Variants in ZNF611 observed in about 807,000 individuals in gnomAD.
The protein encoded by ZNF611 is zinc finger protein 611.
In ZNF611, 6 loss-of-function variants were observed where a neutral mutation model predicts 8.9. The ratio of observed to expected loss-of-function variants is 0.68; its 90% CI spans 0.37 to 1.34. The LOEUF (loss-of-function observed/expected upper bound fraction) is 1.34. ZNF611 is among the 40% of genes most tolerant of loss of function. ZNF611 has a pLI of 0.02. For missense variants in ZNF611, 874 were observed against 841.3 expected (o/e 1.04, Z -0.48); for synonymous variants, 262 against 279.7 (o/e 0.94, Z 0.63).
chr19:52,714,128 A>G lies in ZNF611; in HGVS notation c.77T>C (p.Phe26Ser). The G allele has an allele frequency of 6.2e-7, 1 of 1,613,674 alleles. No homozygotes were observed. The highest frequency in any genetic ancestry group is 8.5e-7 in the Non-Finnish European group (1 of 1,179,934). ...GMALPQGRLTFRDVAIEFSLA... is the reference protein window; with the variant it reads ...GMALPQGRLTSRDVAIEFSLA... ...TGAGAATTCTATAGCCACATCCCGG[A>G]AAGTCAAGCGTCCCTAAAATGAAAC... Residue 26 changes from phenylalanine to serine, a missense_variant, in exon 5 of 6, where the codon TTC becomes TCC. Physicochemically the swap from Phe to Ser is radical, Grantham distance 155. Coordinates refer to ENST00000652185, the MANE Select transcript of ZNF611 (RefSeq NM_001161499.2).
intron 3 of ZNF611, among the ~76,000 whole-genome samples, chr19:52,720,592 CAG>C: frequency 8.1e-6 from 1 of 123,622 alleles, no homozygotes; most frequent in African/African-American, 3.9e-5. Context: ...CCAGACGGGG[CAG>C]CTGCTGGGCA....
chr19:52,719,857 G>A (rs971646821), intron 3 of ZNF611, among the ~76,000 whole-genome samples: 4 of 152,206 alleles, frequency 2.6e-5, no homozygotes, highest in Non-Finnish European at 5.9e-5. Flanking sequence ...TGGAGAGAAG[G>A]TCAGCAGATA....
chr19:52,707,001 G>A, intron 5 of ZNF611, 137 bp from the exon 6 acceptor site: 1 of 1,377,466 alleles, frequency 7.3e-7, no homozygotes, highest in Non-Finnish European at 9.8e-7. Context: ...GAAAACGAAA[G>A]GAGCAATATT....
chr19:52,716,358 G>A (rs139707824), intron 3 of ZNF611: 2,746 of 155,338 alleles, frequency 0.018, 40 homozygotes, highest in Middle Eastern at 0.037. Flanking sequence ...GTTCCATCCC[G>A]TCAGAATAAG....
At chr19:52,729,256 C>A (rs1007739618) in intron 2 of ZNF611, among the ~76,000 whole-genome samples, 6 of 152,040 alleles carry the variant, frequency 3.9e-5, no homozygotes, top group Admixed American at 3.9e-4. Flanking sequence ...TAATCCACAA[C>A]AAGCTCATGT....
intron 1 of ZNF611, among the ~76,000 whole-genome samples, chr19:52,734,604 G>A (rs1326069722): frequency 6.6e-6 from 1 of 151,838 alleles, no homozygotes; most frequent in Non-Finnish European, 1.5e-5. Context: ...ACCTGGCAGA[G>A]GACTCGGCCT....
chr19:52,722,602 T>A (rs193181052), intron 3 of ZNF611, among the ~76,000 whole-genome samples: 101 of 152,236 alleles, frequency 6.6e-4, no homozygotes, highest in African/African-American at 2.1e-3. Context: ...ATGACTCACA[T>A]AGGAATTTTA....
At chr19:52,732,509 TAACTCACAGTATTGAGTTATTCA>T (rs2062432573) in intron 1 of ZNF611, among the ~76,000 whole-genome samples, 5 of 104,062 alleles carry the variant, frequency 4.8e-5, no homozygotes, top group Admixed American at 1.8e-4. Context: ...TTATTCAGAA[TAACTCACAGTATTGAGTTATTCA>T]GAATAACTCA....
intron 1 of ZNF611, among the ~76,000 whole-genome samples, chr19:52,732,315 CTG>C: frequency 7.2e-6 from 1 of 138,678 alleles, no homozygotes; most frequent in Non-Finnish European, 1.6e-5. Context: ...TTGAGTTATT[CTG>C]AATAACTCAC....
rs751334505 is a variant in ZNF611 at position 52,705,525 on chromosome 19, G to A, written c.1530C>T (p.Tyr510=). 6 of 1,613,932 alleles carry A rather than the reference G, an allele frequency of 3.7e-6. No individual in the cohort carries two copies. Among genetic ancestry groups the A allele is most frequent in the Non-Finnish European group, 3.4e-6 (4 of 1,179,988 alleles). ...AAACCTTTTCACATTCATCACATTT[G>A]TAAGGTTGCTCCCCAGTATGAATTG... The part of the protein sequence containing the change: ...HKSIHTGEQP[Y]KCDECEKVFS... The change falls in exon 6 of 6, where the codon TAC becomes TAT. Residue 510 remains tyrosine, a synonymous_variant. Transcript: ENST00000652185.
rs112349320 is a variant in ZNF611, at chr19:52,724,913, T to G, written c.-20+3817A>C. The stretch of plus-strand genomic sequence containing the variant: ...ATTTCTCCAGTTGCTTTTCTCCTCC[T>G]GCTTTCTTATTTTTTCTTTCACTTT... On this transcript the variant is annotated intron_variant, in intron 3 of 5. Coordinates refer to ENST00000652185, the MANE Select transcript of ZNF611 (RefSeq NM_001161499.2). 6.0e-3 allele frequency among the ~76,000 whole-genome samples: 908 copies of G among 152,224 alleles called. 9 individuals are homozygous for G. Among genetic ancestry groups the G allele is most frequent in the African/African-American group, 0.019 (807 of 41,492 alleles).
intron 3 of ZNF611, among the ~76,000 whole-genome samples, chr19:52,726,559 C>T (rs188420097): frequency 5.9e-5 from 9 of 152,086 alleles, no homozygotes; most frequent in Non-Finnish European, 1.3e-4. Flanking sequence ...ACTGGGACTA[C>T]AGGTGCCCGC....
chr19:52,712,456 T>TAAA lies in ZNF611; in HGVS notation c.190+1556_190+1558dup, dbSNP rs55649603. ...ATGCATGGTGAAACACTGTCTCTACTAAAAAAAAAAAAAAAAAAAAAAAAA... is the reference window on the plus strand; with the variant it reads ...ATGCATGGTGAAACACTGTCTCTACTAAAAAAAAAAAAAAAAAAAAAAAAAAAA... On this transcript the variant is annotated intron_variant, in intron 5 of 5. Coordinates refer to ENST00000652185, the MANE Select transcript of ZNF611 (RefSeq NM_001161499.2). 6.2e-3 allele frequency among the ~76,000 whole-genome samples: 234 copies of TAAA among 37,452 alleles called. 33 individuals are homozygous for TAAA. The highest frequency in any genetic ancestry group is 7.0e-3 in the Non-Finnish European group (158 of 22,438). The allele number at this position is 37,452 out of a possible 152,430, so 24.6% of individuals were successfully genotyped here.
At chr19:52,724,515 A>C (rs1868790782) in intron 3 of ZNF611, 1 of 152,252 alleles carries the variant, frequency 6.6e-6, no homozygotes, top group Non-Finnish European at 1.5e-5. Flanking sequence ...ACATAGACAC[A>C]GTAACAGTCT....
At position 52,703,239 on chromosome 19, in the gene ZNF611, A is replaced by C. The variant is rs1349535849; in HGVS notation, c.*1698T>G. ...GAGGAACCAGAAAGAAAAAGAAGGA[A>C]GTCCATTATACGAGAAGAAAAGCAT... On this transcript the variant is annotated 3_prime_UTR_variant, in exon 6 of 6. Transcript: ENST00000652185. 6.6e-6 allele frequency: 1 copy of C among 152,132 alleles called. No individual in the cohort carries two copies. Among genetic ancestry groups the C allele is most frequent in the Non-Finnish European group, 1.5e-5 (1 of 68,026 alleles). The allele number at this position is 152,132 out of a possible 1,614,324, so 9.4% of individuals were successfully genotyped here. A position where few individuals can be genotyped will look rare whatever the true frequency, so the allele number is the denominator to read the frequency against.
chr19:52,732,895 A>T (rs1328738259), intron 1 of ZNF611, among the ~76,000 whole-genome samples: 1 of 152,086 alleles, frequency 6.6e-6, no homozygotes, highest in African/African-American at 2.4e-5. Flanking sequence ...TCGAGGCTGC[A>T]GTTAGAGGAG....
intron 1 of ZNF611, among the ~76,000 whole-genome samples, chr19:52,730,419 A>AC (rs2062419106): frequency 8.2e-6 from 1 of 121,588 alleles, no homozygotes; most frequent in South Asian, 2.6e-4. Flanking sequence ...AAAAAAAAAA[A>AC]AAAAACATGA....
At chr19:52,721,766 C>CT (rs895026776) in intron 3 of ZNF611, among the ~76,000 whole-genome samples, 2 of 151,432 alleles carry the variant, frequency 1.3e-5, no homozygotes, top group African/African-American at 2.4e-5. Context: ...AGAGGGAGAG[C>CT]TTTTTTTTGT....
At chr19:52,716,095 A>C (rs1391273532) in intron 3 of ZNF611, 182 bp from the exon 4 acceptor site, 1 of 655,758 alleles carries the variant, frequency 1.5e-6, no homozygotes, top group African/African-American at 1.8e-5. Flanking sequence ...ATTTGACCCC[A>C]GTCTTCAGAT....
Sources: gnomAD v4.1 joint callset for allele counts (sites outside exome capture counted in the v4.1 genomes callset) on GRCh38, gnomAD v4.1.1 for gene constraint, MANE v1.5 for transcripts, NCBI Gene and HGNC (gene_info 2026-07-23, HGNC 2026-07-21) for gene names.